Variants in PRKG1 observed in about 807,000 individuals in gnomAD.
PRKG1 encodes the protein cGMP-dependent protein kinase 1.
Under a neutral mutation model 88.1 loss-of-function variants are expected in PRKG1, and 35 were observed. The observed-to-expected ratio is 0.40, with a 90% CI of 0.30 to 0.53. PRKG1 has a LOEUF of 0.53. PRKG1 is among the 20% of genes least tolerant of loss of function. The pLI is 0.59. For synonymous variants in PRKG1, 303 were observed against 292.5 expected, an observed-to-expected ratio of 1.04 and a Z score of -0.37; for missense variants, 540 against 839.8, an observed-to-expected ratio of 0.64 and a Z score of 4.41.
At chr10:52,270,329 A>G (rs1841686570) in intron 10 of PRKG1, among the ~76,000 whole-genome samples, 1 of 152,140 alleles carries the variant, frequency 6.6e-6, no homozygotes, top group South Asian at 2.1e-4. Flanking sequence ...TCACAGATCT[A>G]GAACTAGAAA....
At chr10:51,628,106 C>T (rs1373963663) in intron 3 of PRKG1, among the ~76,000 whole-genome samples, 4 of 136,974 alleles carry the variant, frequency 2.9e-5, no homozygotes. Context: ...CCCTTTCTTT[C>T]TTTCCTTCTT....
intron 2 of PRKG1, among the ~76,000 whole-genome samples, chr10:51,226,160 C>T (rs2132100407): frequency 6.6e-6 from 1 of 152,274 alleles, no homozygotes; most frequent in East Asian, 1.9e-4. Flanking sequence ...CCCAAGATCA[C>T]TCCACAGCAC....
intron 7 of PRKG1, among the ~76,000 whole-genome samples, chr10:52,069,786 A>G (rs996499425): frequency 6.6e-6 from 1 of 152,024 alleles, no homozygotes; most frequent in African/African-American, 2.4e-5. Flanking sequence ...TTTATTGTGT[A>G]TATATGTATT....
At chr10:51,804,297 G>T (rs1250839012) in intron 3 of PRKG1, among the ~76,000 whole-genome samples, 2 of 152,088 alleles carry the variant, frequency 1.3e-5, no homozygotes, top group East Asian at 3.9e-4. Context: ...TACTTTCTAT[G>T]TGGGCTTAGA....
At chr10:51,888,701 G>T (rs1346952915) in intron 4 of PRKG1, among the ~76,000 whole-genome samples, 1 of 152,144 alleles carries the variant, frequency 6.6e-6, no homozygotes, top group African/African-American at 2.4e-5. Flanking sequence ...TCTAGCTGTG[G>T]GTTTGTGTCC....
chr10:51,271,259 ATT>A (rs368680678), intron 2 of PRKG1, among the ~76,000 whole-genome samples: 3 of 144,722 alleles, frequency 2.1e-5, no homozygotes, highest in African/African-American at 7.5e-5. Flanking sequence ...AAGAAATATG[ATT>A]TTTTTTTTTT....
At chr10:51,315,340 T>G (rs1841292573) in intron 2 of PRKG1, among the ~76,000 whole-genome samples, 1 of 152,232 alleles carries the variant, frequency 6.6e-6, no homozygotes, top group Non-Finnish European at 1.5e-5. Context: ...ATGCTGAATA[T>G]ACGGGTGCAA....
chr10:51,049,553 A>C (rs1238907211), intron 1 of PRKG1, among the ~76,000 whole-genome samples: 3 of 152,146 alleles, frequency 2.0e-5, no homozygotes, highest in Admixed American at 6.5e-5. Context: ...ACTTAATATA[A>C]GTGCTAAGTT....
At chr10:52,251,454 A>G in intron 9 of PRKG1, 116 bp from the exon 10 acceptor site, 1 of 764,442 alleles carries the variant, frequency 1.3e-6, no homozygotes, top group Non-Finnish European at 2.2e-6. Flanking sequence ...TAAAAGCAAG[A>G]TGGAATGTAA....
intron 3 of PRKG1, among the ~76,000 whole-genome samples, chr10:51,613,101 T>C (rs936661166): frequency 6.6e-6 from 1 of 151,644 alleles, no homozygotes; most frequent in Non-Finnish European, 1.5e-5. Flanking sequence ...TTGATATTAG[T>C]ACTTCTTTAT....
intron 3 of PRKG1, among the ~76,000 whole-genome samples, chr10:51,694,315 G>A (rs1362815909): frequency 6.6e-6 from 1 of 152,150 alleles, no homozygotes; most frequent in African/African-American, 2.4e-5. Flanking sequence ...TCCCATCACA[G>A]CATGGAAAAA....
chr10:51,488,694 T>G (rs570903162), intron 3 of PRKG1, among the ~76,000 whole-genome samples: 2 of 152,212 alleles, frequency 1.3e-5, no homozygotes, highest in South Asian at 2.1e-4. Flanking sequence ...CATTAAAAAT[T>G]TAAACACACA....
chr10:51,840,423 G>C (rs151185285), intron 4 of PRKG1, among the ~76,000 whole-genome samples: 2 of 151,998 alleles, frequency 1.3e-5, no homozygotes, highest in Non-Finnish European at 2.9e-5. Context: ...TCACGAATAG[G>C]CTTAACAACT....
intron 4 of PRKG1, among the ~76,000 whole-genome samples, chr10:51,853,004 T>A (rs1487040752): frequency 6.6e-6 from 1 of 152,130 alleles, no homozygotes; most frequent in Non-Finnish European, 1.5e-5. Flanking sequence ...CTTCCCTCCC[T>A]CCATTAAACT....
At chr10:51,755,870 C>T (rs74881234) in intron 3 of PRKG1, among the ~76,000 whole-genome samples, 1 of 152,136 alleles carries the variant, frequency 6.6e-6, no homozygotes, top group South Asian at 2.1e-4. Flanking sequence ...GGCTAACCAT[C>T]TCCATGAATA....
chr10:51,351,748 T>G lies in PRKG1; in HGVS notation c.479-115975T>G, dbSNP rs146855993. Among the ~76,000 whole-genome samples the G allele has an allele frequency of 1.8e-3, 280 of 152,298 alleles. 1 individual carries two copies. The highest frequency in any genetic ancestry group is 6.4e-3 in the African/African-American group (265 of 41,564). ...GCTGTGCAGAACTCTTTAGTTTAAT[T>G]AGATCCCAGTTTTCAATTTTGGCTT... On this transcript the variant is annotated intron_variant, in intron 2 of 17. Coordinates refer to ENST00000373980, the MANE Select transcript of PRKG1 (RefSeq NM_006258.4).
At chr10:51,830,998 A>G (rs1179019338) in intron 4 of PRKG1, among the ~76,000 whole-genome samples, 7 of 151,984 alleles carry the variant, frequency 4.6e-5, no homozygotes, top group African/African-American at 1.7e-4. Flanking sequence ...CCACTAGTTA[A>G]CCTCTACTCA....
chr10:52,133,086 GA>G (rs1837310175), intron 7 of PRKG1, among the ~76,000 whole-genome samples: 1 of 152,028 alleles, frequency 6.6e-6, no homozygotes, highest in African/African-American at 2.4e-5. Flanking sequence ...ATGTTACCAT[GA>G]TACTGATACT....
At chr10:51,188,451 A>G (rs909570535) in intron 2 of PRKG1, among the ~76,000 whole-genome samples, 2 of 152,016 alleles carry the variant, frequency 1.3e-5, no homozygotes, top group Non-Finnish European at 2.9e-5. Flanking sequence ...ATAAGATCAT[A>G]TATCATGTTT....
Sources: gnomAD v4.1 joint callset for allele counts (sites outside exome capture counted in the v4.1 genomes callset) on GRCh38, gnomAD v4.1.1 for gene constraint, MANE v1.5 for transcripts, NCBI Gene and HGNC (gene_info 2026-07-23, HGNC 2026-07-21) for gene names.